Variants in ADAMTSL2 observed in about 807,000 individuals in gnomAD.
The protein encoded by ADAMTSL2 is ADAMTS-like protein 2.
Under a neutral mutation model 117.0 loss-of-function variants are expected in ADAMTSL2, and 55 were observed. The observed-to-expected ratio is 0.47, with a 90% CI of 0.38 to 0.59. The LOEUF is 0.59. ADAMTSL2 is among the 20% of genes least tolerant of loss of function. The pLI is 0.00. For missense variants in ADAMTSL2, 1,182 were observed against 1,354.5 expected (o/e 0.87, Z 2.00); for synonymous variants, 572 against 566.4 (o/e 1.01, Z -0.14).
At chr9:133,563,715 A>G (rs1830803069) in intron 12 of ADAMTSL2, among the ~76,000 whole-genome samples, 1 of 151,876 alleles carries the variant, frequency 6.6e-6, no homozygotes, top group African/African-American at 2.4e-5. Flanking sequence ...GAAATCAGAA[A>G]GACAGGTTTT....
In ADAMTSL2 at chr9:133,558,341, G is replaced by A. The variant is rs1303817658; in HGVS notation, c.1649+2411G>A. ...AGGCCAAAATAGCCACGTCTCGGCC[G>A]AGTTGTCCAAACACAGGAAGTCGTG... On this transcript the variant is annotated intron_variant, in intron 11 of 18. Transcript: ENST00000651351. This position sits in a 1 kb window ranked among gnomAD's most constrained non-coding sequence, Gnocchi z 4.3. 6.6e-6 allele frequency among the ~76,000 whole-genome samples: 1 copy of A among 152,228 alleles called. No individual in the cohort carries two copies. The highest frequency in any genetic ancestry group is 1.5e-5 in the Non-Finnish European group (1 of 68,042).
At chr9:133,568,516 C>T (rs998560453) in intron 14 of ADAMTSL2, 30 bp downstream of exon 14, 27 of 1,581,392 alleles carry the variant, frequency 1.7e-5, no homozygotes, top group African/African-American at 4.0e-5. Context: ...AGCCGGGGGT[C>T]GGGAAGAGCT....
intron 8 of ADAMTSL2, among the ~76,000 whole-genome samples, chr9:133,545,583 A>G (rs9696835): frequency 0.85 from 129,085 of 152,210 alleles, 55,431 homozygotes; most frequent in Non-Finnish European, 0.92. Flanking sequence ...CCTGGGGGCT[A>G]CTCCCTGGCC....
At chr9:133,546,559 G>A (rs910502639) in intron 8 of ADAMTSL2, among the ~76,000 whole-genome samples, 7 of 152,194 alleles carry the variant, frequency 4.6e-5, no homozygotes, top group Non-Finnish European at 7.4e-5. Context: ...AGCTCAGGGC[G>A]ATCCCCAGGA....
At position 133,540,896 on chromosome 9, in the gene ADAMTSL2, G is replaced by C; in HGVS notation, c.577G>C (p.Val193Leu). 1 of 1,613,436 alleles carries C rather than the reference G, an allele frequency of 6.2e-7. No homozygotes were observed. Among genetic ancestry groups the C allele is most frequent in the Non-Finnish European group, 8.5e-7 (1 of 1,180,010 alleles). Residue 193 changes from valine (V) to leucine (L), a missense_variant, in exon 7 of 19, where the codon GTG (valine) becomes CTG (leucine). By Grantham distance (32) the Val-to-Leu change is conservative. Transcript: ENST00000651351. ...CCTGCAGCCCATCGGCTGTGACGGG[G>C]TGCTTTTCTCCACCCACACACTGGA... Reference protein sequence around the residue: ...GKCEPIGCDGVLFSTHTLDKC... With the variant: ...GKCEPIGCDGLLFSTHTLDKC...
At chr9:133,537,657 C>A in intron 3 of ADAMTSL2, 110 bp downstream of exon 3, 2 of 1,196,458 alleles carry the variant, frequency 1.7e-6, no homozygotes, top group African/African-American at 1.6e-5. Context: ...GGAGGGCTCT[C>A]GGGTTGGGGG....
At chr9:133,568,804 G>A in intron 15 of ADAMTSL2, 46 bp downstream of exon 15, 2 of 1,611,982 alleles carry the variant, frequency 1.2e-6, no homozygotes, top group Admixed American at 3.3e-5. Context: ...CTGGTGAGGG[G>A]ACCCAGAGCT....
At chr9:133,541,056 T>C (rs2131102449) in intron 7 of ADAMTSL2, 55 bp downstream of exon 7, 3 of 1,580,138 alleles carry the variant, frequency 1.9e-6, no homozygotes, top group Non-Finnish European at 2.6e-6. Flanking sequence ...GAATCGGGGG[T>C]CCTGAGTGTG....
intron 8 of ADAMTSL2, among the ~76,000 whole-genome samples, chr9:133,545,737 G>A (rs1230876581): frequency 2.6e-5 from 4 of 152,308 alleles, no homozygotes; most frequent in African/African-American, 9.6e-5. Context: ...TACCAAGGGT[G>A]GGCTCGGAGC....
chr9:133,563,363 T>C (rs1830792759), intron 12 of ADAMTSL2, among the ~76,000 whole-genome samples: 1 of 152,184 alleles, frequency 6.6e-6, no homozygotes, highest in Non-Finnish European at 1.5e-5. Context: ...CTTTGCCAAG[T>C]CCTTTGCGGA....
chr9:133,560,898 G>T (rs906509688), intron 11 of ADAMTSL2, among the ~76,000 whole-genome samples: 1 of 152,218 alleles, frequency 6.6e-6, no homozygotes, highest in African/African-American at 2.4e-5. Context: ...AGTGCTGGGG[G>T]CCCCAAATTC....
intron 17 of ADAMTSL2, 90 bp from the exon 18 acceptor site, chr9:133,573,753 G>T: frequency 6.5e-7 from 1 of 1,546,488 alleles, no homozygotes. Flanking sequence ...GTGGGGTGGG[G>T]AAGGGGGAGT....
intron 7 of ADAMTSL2, 121 bp downstream of exon 7, chr9:133,541,122 C>G (rs1261409392): frequency 1.4e-6 from 2 of 1,409,544 alleles, no homozygotes; most frequent in Non-Finnish European, 2.0e-6. Flanking sequence ...TCTAGGGGCA[C>G]CTGATTCAGC....
At chr9:133,563,331 T>TGGGGTGTCAGC (rs1308933402) in intron 12 of ADAMTSL2, among the ~76,000 whole-genome samples, 2 of 152,172 alleles carry the variant, frequency 1.3e-5, no homozygotes, top group Non-Finnish European at 1.5e-5. Context: ...AGCATGGTGG[T>TGGGGTGTCAGC]GGGGTGTCAG....
chr9:133,563,405 A>G (rs1012627940), intron 12 of ADAMTSL2, among the ~76,000 whole-genome samples: 1 of 152,302 alleles, frequency 6.6e-6, no homozygotes, highest in Admixed American at 6.5e-5. Flanking sequence ...CTTCCTGGCC[A>G]GGGGACTCCA....
intron 12 of ADAMTSL2, among the ~76,000 whole-genome samples, chr9:133,566,230 T>C (rs1588307321): frequency 1.3e-5 from 2 of 152,094 alleles, no homozygotes; most frequent in African/African-American, 2.4e-5. Context: ...TCACCTGAGG[T>C]CAGAAGTTCA....
Position 133,575,353 on chromosome 9 carries a change from G to A in ADAMTSL2, c.*489G>A, listed in dbSNP as rs1298560139. ...CAGGCAGCCAAGGAGGCCCAGGCGT[G>A]CTCCCTCTTATGGAGCCCCTCCCAT... is the stretch of plus-strand genomic sequence containing the variant. On this transcript the variant is annotated 3_prime_UTR_variant, in exon 19 of 19. Coordinates refer to ENST00000651351, the MANE Select transcript of ADAMTSL2 (RefSeq NM_014694.4). 16 of 192,918 alleles carry A rather than the reference G, an allele frequency of 8.3e-5. No individual in the cohort carries two copies. Among genetic ancestry groups the A allele is most frequent in the African/African-American group, 3.0e-4 (13 of 42,696 alleles). 12.0% of individuals were successfully genotyped at this position (192,918 alleles called of 1,614,324 possible). A position where few individuals can be genotyped will look rare whatever the true frequency, so the allele number is the denominator to read the frequency against.
At chr9:133,572,208 G>A (rs1831124201) in intron 17 of ADAMTSL2, among the ~76,000 whole-genome samples, 1 of 130,306 alleles carries the variant, frequency 7.7e-6, no homozygotes, top group African/African-American at 3.0e-5. Context: ...CAGGGCCTCT[G>A]CCTGCCCTGT....
intron 5 of ADAMTSL2, among the ~76,000 whole-genome samples, 164 bp downstream of exon 5, chr9:133,540,037 G>A (rs907687021): frequency 6.6e-6 from 1 of 152,134 alleles, no homozygotes; most frequent in Non-Finnish European, 1.5e-5. Context: ...CTGGCCCAGG[G>A]GTCTGTCCCC....
Sources: gnomAD v4.1 joint callset for allele counts (sites outside exome capture counted in the v4.1 genomes callset) on GRCh38, gnomAD v4.1.1 for gene constraint, Gnocchi (gnomAD v3.1) non-coding constraint, MANE v1.5 for transcripts, NCBI Gene and HGNC (gene_info 2026-07-23, HGNC 2026-07-21) for gene names.